The following ACTR3C variants were observed in gnomAD, a reference collection of about 807,000 sequenced individuals.
ACTR3C encodes the protein actin-related protein 3C.
A neutral mutation model predicts 26.3 loss-of-function variants in ACTR3C; 18 were observed. The observed-to-expected ratio is 0.68, with a 90% CI of 0.47 to 1.01. ACTR3C has a LOEUF of 1.01. ACTR3C is among the 50% of genes least tolerant of loss of function. ACTR3C has a pLI of 0.00. For missense variants in ACTR3C, 184 were observed against 250.7 expected (o/e 0.73, Z 1.80); for synonymous variants, 55 against 94.5 (o/e 0.58, Z 2.42).
the ACTR3C span, among the ~76,000 whole-genome samples, chr7:149,931,288 T>C: frequency 1.3e-5 from 2 of 152,244 alleles, no homozygotes; most frequent in African/African-American, 4.8e-5. Flanking sequence ...GAGGATTGTT[T>C]CTGTATTCCA....
chr7:149,897,999 T>G, the ACTR3C span, among the ~76,000 whole-genome samples: 1 of 152,230 alleles, frequency 6.6e-6, no homozygotes, highest in African/African-American at 2.4e-5. Context: ...CACCTCCTTT[T>G]CTCATTGCAA....
At chr7:149,941,597 C>T in the ACTR3C span, among the ~76,000 whole-genome samples, 1 of 152,214 alleles carries the variant, frequency 6.6e-6, no homozygotes, top group Admixed American at 6.5e-5. Flanking sequence ...AAGGCACCTG[C>T]AGGCTCTACC....
chr7:149,990,778 T>A, the ACTR3C span, among the ~76,000 whole-genome samples: 3 of 152,156 alleles, frequency 2.0e-5, no homozygotes, highest in African/African-American at 7.2e-5. Flanking sequence ...CTGCCACCCC[T>A]TTCTCTCCTC....
chr7:150,097,822 A>T, the ACTR3C span, among the ~76,000 whole-genome samples: 1 of 151,438 alleles, frequency 6.6e-6, no homozygotes, highest in Non-Finnish European at 1.5e-5. Context: ...TCTCTTAGAA[A>T]GTGTGTTACC....
the ACTR3C span, among the ~76,000 whole-genome samples, chr7:149,973,145 G>A: frequency 6.6e-6 from 1 of 152,204 alleles, no homozygotes; most frequent in Non-Finnish European, 1.5e-5. Context: ...TTTGTCCCAG[G>A]TAAGCCCTGT....
At chr7:150,322,817 C>T (rs772893922) in intron 1 of ACTR3C, 1 of 152,272 alleles carries the variant, frequency 6.6e-6, no homozygotes, top group Non-Finnish European at 1.5e-5. Context: ...GATCGGGACC[C>T]CTTTCTGATA....
the ACTR3C span, among the ~76,000 whole-genome samples, chr7:150,129,526 C>G: frequency 6.6e-6 from 1 of 152,130 alleles, no homozygotes; most frequent in Non-Finnish European, 1.5e-5. Context: ...ATCAATAAAA[C>G]AGTTGTTCAG....
the ACTR3C span, among the ~76,000 whole-genome samples, chr7:149,885,249 C>T: frequency 6.6e-6 from 1 of 152,218 alleles, no homozygotes; most frequent in Non-Finnish European, 1.5e-5. Flanking sequence ...AGTTATCAAC[C>T]CAGACCCTCG....
At chr7:150,105,501 G>C in the ACTR3C span, among the ~76,000 whole-genome samples, 1 of 151,932 alleles carries the variant, frequency 6.6e-6, no homozygotes, top group African/African-American at 2.4e-5. Flanking sequence ...GCACCTCAAT[G>C]GCTTTCCCTC....
intron 1 of ACTR3C, among the ~76,000 whole-genome samples, chr7:150,306,281 G>A (rs190449212): frequency 6.6e-6 from 1 of 151,866 alleles, no homozygotes; most frequent in Non-Finnish European, 1.5e-5. Context: ...AAATTCCTGT[G>A]AGCTGTGTGG....
chr7:150,188,358 C>T, the ACTR3C span, among the ~76,000 whole-genome samples: 1 of 151,430 alleles, frequency 6.6e-6, no homozygotes, highest in South Asian at 2.1e-4. Context: ...CATCCGCTCA[C>T]CTGTAGGTGA....
chr7:150,251,735 A>G (rs1310926124), intron 6 of ACTR3C, among the ~76,000 whole-genome samples: 1 of 152,054 alleles, frequency 6.6e-6, no homozygotes, highest in African/African-American at 2.4e-5. Context: ...TTAGAGGAAT[A>G]ATTTCTTCCA....
chr7:150,192,436 C>T, the ACTR3C span, among the ~76,000 whole-genome samples: 1 of 152,048 alleles, frequency 6.6e-6, no homozygotes, highest in Admixed American at 6.6e-5. Context: ...TAAGTAGCTA[C>T]GATTGCAGGT....
At chr7:150,136,324 GA>G in the ACTR3C span, among the ~76,000 whole-genome samples, 1 of 152,168 alleles carries the variant, frequency 6.6e-6, no homozygotes, top group African/African-American at 2.4e-5. Flanking sequence ...ACGTTTTCCA[GA>G]AAATTCATTA....
the ACTR3C span, among the ~76,000 whole-genome samples, chr7:149,929,953 C>G: frequency 2.0e-5 from 3 of 152,202 alleles, no homozygotes; most frequent in Admixed American, 6.5e-5. Context: ...TATCTTAAGT[C>G]TTTCGATGGG....
chr7:150,071,053 C>T, the ACTR3C span, among the ~76,000 whole-genome samples: 1 of 150,928 alleles, frequency 6.6e-6, no homozygotes, highest in South Asian at 2.1e-4. Flanking sequence ...CTCAGCCTCC[C>T]AAAGTGCTGG....
the ACTR3C span, among the ~76,000 whole-genome samples, chr7:150,047,334 G>A: frequency 6.6e-6 from 1 of 152,198 alleles, no homozygotes; most frequent in Non-Finnish European, 1.5e-5. Context: ...GGGAACGTAA[G>A]GCGAATTCCA....
the ACTR3C span, among the ~76,000 whole-genome samples, chr7:150,057,538 G>C: frequency 1.3e-5 from 2 of 152,088 alleles, no homozygotes; most frequent in African/African-American, 4.8e-5. Flanking sequence ...CGCCCACCTT[G>C]GCCTCCCAAA....
the ACTR3C span, among the ~76,000 whole-genome samples, chr7:149,995,621 G>A: frequency 1.3e-5 from 2 of 152,258 alleles, no homozygotes; most frequent in Non-Finnish European, 2.9e-5. Flanking sequence ...TGCACAGGAT[G>A]AACAACTGAT....
Sources: gnomAD v4.1 joint callset for allele counts (sites outside exome capture counted in the v4.1 genomes callset) on GRCh38, gnomAD v4.1.1 for gene constraint, MANE v1.5 for transcripts, NCBI Gene and HGNC (gene_info 2026-07-23, HGNC 2026-07-21) for gene names.